Variants in NOXRED1 observed in about 807,000 individuals in gnomAD.
NOXRED1 encodes the protein NADP dependent oxidoreductase domain containing 1, also known as NADP-dependent oxidoreductase domain-containing protein 1.
A neutral mutation model predicts 30.4 loss-of-function variants in NOXRED1; 20 were observed. The ratio of observed to expected loss-of-function variants is 0.66; its 90% confidence interval spans 0.46 to 0.96. The LOEUF (loss-of-function observed/expected upper bound fraction) is 0.96. NOXRED1 is among the 40% of genes least tolerant of loss of function. The probability of loss-of-function intolerance (pLI) is 0.00; values close to 1 mark genes in which losing one functional copy is unlikely to be tolerated. For synonymous variants in NOXRED1, 155 were observed against 168.0 expected, an observed-to-expected ratio of 0.92 and a Z score of 0.60; for missense variants, 374 against 428.0, an observed-to-expected ratio of 0.87 and a Z score of 1.11.
At chr14:77,408,892 A>ATTTTTTTTTTTTTTATTTTTTTTTT (rs1894557382) in intron 2 of NOXRED1, among the ~76,000 whole-genome samples, 1 of 68,154 alleles carries the variant, frequency 1.5e-5, no homozygotes, top group Non-Finnish European at 2.7e-5. Context: ...CTGGTAGTTA[A>ATTTTTTTTTTTTTTATTTTTTTTTT]TTTTTTTTTT....
chr14:77,408,778 GC>G (rs1268583546), intron 2 of NOXRED1, among the ~76,000 whole-genome samples: 1 of 151,320 alleles, frequency 6.6e-6, no homozygotes, highest in Non-Finnish European at 1.5e-5. Context: ...AGAAGGGTTT[GC>G]AAAGATTTAA....
At chr14:77,406,335 C>T (rs1894457072) in intron 4 of NOXRED1, 200 bp from the exon 5 acceptor site, 2 of 599,210 alleles carry the variant, frequency 3.3e-6, no homozygotes, top group Non-Finnish European at 5.9e-6. Context: ...GTTGACCATC[C>T]CAAAAGTGGA....
At chr14:77,424,226 G>A (rs527860918), upstream of NOXRED1, among the ~76,000 whole-genome samples, 71 of 152,310 alleles carry the variant, frequency 4.7e-4, no homozygotes, top group Non-Finnish European at 4.1e-4. Flanking sequence ...CGAGGCAGGC[G>A]GATCGCTTGA....
upstream of NOXRED1, among the ~76,000 whole-genome samples, chr14:77,425,712 C>T (rs541516351): frequency 2.6e-5 from 4 of 152,326 alleles, no homozygotes; most frequent in South Asian, 2.1e-4. Flanking sequence ...GATTGTAGGG[C>T]GTTTAGCAGC....
intron 5 of NOXRED1, among the ~76,000 whole-genome samples, chr14:77,399,102 G>C (rs1566705718): frequency 1.3e-5 from 2 of 152,042 alleles, no homozygotes; most frequent in Non-Finnish European, 2.9e-5. Flanking sequence ...AATTTGAAAA[G>C]GTAGAACAAG....
rs760982755 is a variant in NOXRED1 at position 77,414,034 on chromosome 14, T to G, written c.249A>C (p.Gly83=). 1 of 1,612,378 alleles carries G rather than the reference T, an allele frequency of 6.2e-7. No individual in the cohort carries two copies. The highest frequency in any genetic ancestry group is 8.5e-7 in the Non-Finnish European group (1 of 1,178,674). Residue 83 remains glycine, a synonymous_variant, in exon 2 of 6, where the codon GGA becomes GGC. Transcript: ENST00000380835. ...TPEEFKVGII[G]GGHLGKQLAG... Reference sequence around the variant, plus strand: ...CCAGCTGCTTCCCAAGGTGGCCACCTCCAATGATGCCCACCTTAAACTCTT... The same window carrying G: ...CCAGCTGCTTCCCAAGGTGGCCACCGCCAATGATGCCCACCTTAAACTCTT...
chr14:77,420,821 C>G (rs1186112891), intron 1 of NOXRED1, among the ~76,000 whole-genome samples: 1 of 152,174 alleles, frequency 6.6e-6, no homozygotes, highest in Non-Finnish European at 1.5e-5. Context: ...GCTAGAGATT[C>G]TGGGGCCTGT....
At chr14:77,406,510 T>C in intron 4 of NOXRED1, 1 of 632,896 alleles carries the variant, frequency 1.6e-6, no homozygotes, top group East Asian at 2.7e-5. Context: ...CCTCTTTTGG[T>C]TTTAATTTGT....
intron 5 of NOXRED1, among the ~76,000 whole-genome samples, chr14:77,398,675 A>G (rs928119928): frequency 6.6e-6 from 1 of 152,152 alleles, no homozygotes; most frequent in Non-Finnish European, 1.5e-5. Flanking sequence ...TACATTATTA[A>G]AGACCTATTT....
At position 77,394,630 on chromosome 14, in the gene NOXRED1, C is replaced by T; in HGVS notation, c.*1G>A. On this transcript the variant is annotated 3_prime_UTR_variant, in exon 6 of 6. Coordinates refer to ENST00000380835, the MANE Select transcript of NOXRED1 (RefSeq NM_001113475.3). ...GAAAAAATCCTGATTCCTGAGTTCT[C>T]TTATTGGGATGGAAAGCCTGTGGAA... 6.2e-7 allele frequency: 1 copy of T among 1,609,588 alleles called. No individual in the cohort carries two copies. Among genetic ancestry groups the T allele is most frequent in the Non-Finnish European group, 8.5e-7 (1 of 1,177,316 alleles).
At chr14:77,425,160 T>C (rs1025754824), upstream of NOXRED1, among the ~76,000 whole-genome samples, 8 of 152,204 alleles carry the variant, frequency 5.3e-5, no homozygotes, top group Admixed American at 2.6e-4. Context: ...CCCTGCTCAC[T>C]CACTTTATAA....
intron 5 of NOXRED1, among the ~76,000 whole-genome samples, chr14:77,404,344 A>T: frequency 6.6e-6 from 1 of 152,218 alleles, no homozygotes; most frequent in Admixed American, 6.5e-5. Flanking sequence ...AATACGAAAG[A>T]TGAGGAAGAA....
chr14:77,419,646 C>T (rs775880120), intron 1 of NOXRED1, among the ~76,000 whole-genome samples: 31 of 151,706 alleles, frequency 2.0e-4, no homozygotes, highest in Non-Finnish European at 3.5e-4. Context: ...GACGGTTTTT[C>T]ACCATGTTAG....
Position 77,414,108 on chromosome 14 carries a change from G to A in NOXRED1, c.175C>T (p.Gln59Ter). Reference sequence around the variant, plus strand: ...CCAATTGAGAGATGTCTGGAACTTTGATTCTTATTTAATGATGCTCTGGAG... The same window carrying A: ...CCAATTGAGAGATGTCTGGAACTTTAATTCTTATTTAATGATGCTCTGGAG... ...YNLRASLNKN[Q>*]SSRHLSIGSL... Residue 59 changes from glutamine (Q) to a stop codon, truncating the protein, a stop_gained, in exon 2 of 6, where the codon CAA becomes TAA. Coordinates refer to ENST00000380835, the MANE Select transcript of NOXRED1 (RefSeq NM_001113475.3). LOFTEE classifies it high-confidence loss of function. The A allele has an allele frequency of 6.3e-7, 1 of 1,594,660 alleles. No individual in the cohort carries two copies.
Position 77,394,568 on chromosome 14 carries a change from TCAGGG to T in NOXRED1, c.*58_*62del. On this transcript the variant is annotated 3_prime_UTR_variant, in exon 6 of 6. Transcript: ENST00000380835. ...AGACTCCCACAGTCAATTGTGATAA[TCAGGG>T]CACAACTATTATAGGGAAAATCTGT... 1.6e-6 allele frequency: 2 copies of T among 1,237,848 alleles called. No individual in the cohort carries two copies. Among genetic ancestry groups the T allele is most frequent in the Non-Finnish European group, 2.3e-6 (2 of 860,580 alleles). The allele number at this position is 1,237,848 out of a possible 1,614,324, so 76.7% of individuals were successfully genotyped here.
At chr14:77,416,842 CA>C (rs1894840618) in intron 1 of NOXRED1, among the ~76,000 whole-genome samples, 1 of 150,542 alleles carries the variant, frequency 6.6e-6, no homozygotes, top group Non-Finnish European at 1.5e-5. Flanking sequence ...CTGACCCCCC[CA>C]CCTCCCTCCC....
chr14:77,396,459 G>A (rs1432689012), intron 5 of NOXRED1, among the ~76,000 whole-genome samples: 1 of 151,958 alleles, frequency 6.6e-6, no homozygotes. Context: ...ATGTTCATCA[G>A]GCTAGTCTGG....
At chr14:77,416,813 C>T (rs569529811) in intron 1 of NOXRED1, among the ~76,000 whole-genome samples, 4,021 of 151,606 alleles carry the variant, frequency 0.027, 94 homozygotes, top group African/African-American at 0.092. Flanking sequence ...CCGGACAGGG[C>T]GGCTGGCCGG....
At chr14:77,411,026 A>G (rs1232338717) in intron 2 of NOXRED1, among the ~76,000 whole-genome samples, 3 of 152,212 alleles carry the variant, frequency 2.0e-5, no homozygotes, top group Non-Finnish European at 4.4e-5. Context: ...TGCCTACATG[A>G]ACACTTATAT....
Sources: gnomAD v4.1 joint callset for allele counts (sites outside exome capture counted in the v4.1 genomes callset) on GRCh38, gnomAD v4.1.1 for gene constraint, MANE v1.5 for transcripts, NCBI Gene and HGNC (gene_info 2026-07-23, HGNC 2026-07-21) for gene names.